Variants in RXRA observed in about 807,000 individuals in gnomAD.
RXRA encodes the protein retinoic acid receptor RXR-alpha.
A neutral mutation model predicts 44.5 loss-of-function variants in RXRA; 5 were observed. That is an observed-to-expected ratio of 0.11 (90% CI 0.06 to 0.24). The LOEUF is 0.24. Ranked by LOEUF, RXRA falls within the 10% of genes least tolerant of loss-of-function variation. RXRA has a pLI of 1.00. For synonymous variants in RXRA, 291 were observed against 271.4 expected (o/e 1.07, Z -0.71); for missense variants, 412 against 646.5 (o/e 0.64, Z 3.93).
At position 134,433,564 on chromosome 9, in the gene RXRA, G is replaced by A. The variant is rs1831566847; in HGVS notation, c.1136-538G>A. Among the ~76,000 whole-genome samples the A allele has an allele frequency of 6.6e-6, 1 of 152,110 alleles. No homozygotes were observed. Among genetic ancestry groups the A allele is most frequent in the Non-Finnish European group, 1.5e-5 (1 of 67,996 alleles). ...CACAGGGGGTCCCTGGGCCTTGGAG[G>A]TTTTGGTGGCTGCAATCTTAGCCTC... On this transcript the variant is annotated intron_variant, in intron 8 of 9. Coordinates refer to ENST00000481739, the MANE Select transcript of RXRA (RefSeq NM_002957.6). This position sits in a 1 kb window ranked among gnomAD's most constrained non-coding sequence, Gnocchi z 4.2.
At position 134,365,157 on chromosome 9, in the gene RXRA, G is replaced by T. The variant is rs975280271; in HGVS notation, c.29-36475G>T. ...GCCACCACAGAGGCGGCTGTTGCTGGAGGGCTGATGGCACGCTGGGCCCGG... is the reference window on the plus strand; with the variant it reads ...GCCACCACAGAGGCGGCTGTTGCTGTAGGGCTGATGGCACGCTGGGCCCGG... On this transcript the variant is annotated intron_variant, in intron 1 of 9. Coordinates refer to ENST00000481739, the MANE Select transcript of RXRA (RefSeq NM_002957.6). The surrounding 1 kb of genome is among the most constrained non-coding windows in gnomAD (Gnocchi z 4.0). Among the ~76,000 whole-genome samples, 5 of 152,356 alleles carry T rather than the reference G, an allele frequency of 3.3e-5. No individual in the cohort carries two copies. The highest frequency in any genetic ancestry group is 1.9e-4 in the East Asian group (1 of 5,180).
chr9:134,396,517 G>A (rs1474322345), intron 1 of RXRA, among the ~76,000 whole-genome samples: 1 of 152,188 alleles, frequency 6.6e-6, no homozygotes, highest in East Asian at 1.9e-4. Context: ...TCCGGGCGGG[G>A]GGGTCCCCAG....
chr9:134,422,690 G>A (rs1038556714), intron 6 of RXRA: 39 of 984,792 alleles, frequency 4.0e-5, no homozygotes, highest in African/African-American at 2.5e-4. Context: ...ACACTCCCCC[G>A]TCCTGGGACC....
At chr9:134,408,668 G>A (rs780985014) in intron 3 of RXRA, among the ~76,000 whole-genome samples, 3 of 152,232 alleles carry the variant, frequency 2.0e-5, no homozygotes, top group East Asian at 1.9e-4. Context: ...AGGGAAGAAC[G>A]GGCTGCACAG....
At chr9:134,412,116 C>G (rs1007033565) in intron 4 of RXRA, among the ~76,000 whole-genome samples, 3 of 152,236 alleles carry the variant, frequency 2.0e-5, no homozygotes, top group African/African-American at 7.2e-5. Context: ...GGCTCCCCGA[C>G]AGCGGAGGGC....
In RXRA at chr9:134,430,730, C is replaced by T. The variant is rs149348842; in HGVS notation, c.1044-1175C>T. On this transcript the variant is annotated intron_variant, in intron 7 of 9. Transcript: ENST00000481739. ...GTACTGGGGATATGGCTTTGGGAAG[C>T]GAAGCCCCAGCCACTTGCCCAGCTG... 4.5e-3 allele frequency among the ~76,000 whole-genome samples: 681 copies of T among 152,290 alleles called. 1 individual carries two copies. Among genetic ancestry groups the T allele is most frequent in the Non-Finnish European group, 6.9e-3 (471 of 68,028 alleles).
Position 134,420,747 on chromosome 9 carries a change from C to T in RXRA, c.781-929C>T, listed in dbSNP as rs547187981. Among the ~76,000 whole-genome samples the T allele has an allele frequency of 3.3e-5, 5 of 152,348 alleles. No homozygotes were observed. The South Asian group carries it at 1.0e-3, about 32-fold the overall frequency. On this transcript the variant is annotated intron_variant, in intron 5 of 9. Coordinates refer to ENST00000481739, the MANE Select transcript of RXRA (RefSeq NM_002957.6). ...CACTGAGGGGGCCGTCATCTGAGTTCCCATTGCTCAGGACACAGAAGGTCC... is the reference window on the plus strand; with the variant it reads ...CACTGAGGGGGCCGTCATCTGAGTTTCCATTGCTCAGGACACAGAAGGTCC...
chr9:134,386,487 T>C (rs1203728773), intron 1 of RXRA, among the ~76,000 whole-genome samples: 2 of 152,004 alleles, frequency 1.3e-5, no homozygotes, highest in Non-Finnish European at 2.9e-5. Context: ...GCTGGGGCTG[T>C]GGGGGAGAGG....
intron 1 of RXRA, among the ~76,000 whole-genome samples, chr9:134,391,435 A>G (rs1830798153): frequency 6.6e-6 from 1 of 152,070 alleles, no homozygotes; most frequent in Non-Finnish European, 1.5e-5. Flanking sequence ...AACAAGAATC[A>G]TTTCTTTTCC....
At position 134,431,868 on chromosome 9, in the gene RXRA, C is replaced by T. The variant is rs36054817; in HGVS notation, c.1044-37C>T. 3.9e-6 allele frequency: 6 copies of T among 1,538,044 alleles called. No individual in the cohort carries two copies. The East Asian group carries it at 1.1e-4, about 29-fold the overall frequency. ...GTGTGGCCCTGGTGAGGGCTGCGACCTAACTGGGATGGGGTGTCTGCCCTC... is the reference window on the plus strand; with the variant it reads ...GTGTGGCCCTGGTGAGGGCTGCGACTTAACTGGGATGGGGTGTCTGCCCTC... On this transcript the variant is annotated intron_variant, in intron 7 of 9. Coordinates refer to ENST00000481739, the MANE Select transcript of RXRA (RefSeq NM_002957.6).
chr9:134,425,571 G>A, intron 6 of RXRA: 1 of 828,942 alleles, frequency 1.2e-6, no homozygotes, highest in African/African-American at 1.9e-5. Context: ...GGTGAGGGGG[G>A]TGGGGGGAAT....
intron 1 of RXRA, among the ~76,000 whole-genome samples, chr9:134,332,946 C>G (rs1835028638): frequency 6.6e-6 from 1 of 151,874 alleles, no homozygotes; most frequent in African/African-American, 2.4e-5. Flanking sequence ...GGCCAGGTCC[C>G]TGGGCTGGCC....
chr9:134,393,790 T>G (rs1830833929), intron 1 of RXRA, among the ~76,000 whole-genome samples: 1 of 152,140 alleles, frequency 6.6e-6, no homozygotes, highest in African/African-American at 2.4e-5. Context: ...CTGAGCACCC[T>G]CTTCCTCCTG....
chr9:134,390,756 T>G (rs1830788055), intron 1 of RXRA, among the ~76,000 whole-genome samples: 1 of 151,952 alleles, frequency 6.6e-6, no homozygotes, highest in Admixed American at 6.5e-5. Context: ...GTCCCGTTCT[T>G]GGTCTGTCTC....
intron 8 of RXRA, among the ~76,000 whole-genome samples, chr9:134,432,299 T>A (rs553096102): frequency 6.6e-6 from 1 of 152,352 alleles, no homozygotes; most frequent in Non-Finnish European, 1.5e-5. Flanking sequence ...TGCGTCGGAA[T>A]CCAGACTCCG....
In RXRA at chr9:134,349,792, T is replaced by C. The variant is rs1830198800; in HGVS notation, c.28+23133T>C. Among the ~76,000 whole-genome samples, 1 of 22,718 alleles carries C rather than the reference T, an allele frequency of 4.4e-5. No homozygotes were observed. Among genetic ancestry groups the C allele is most frequent in the African/African-American group, 1.9e-4 (1 of 5,348 alleles). 14.9% of individuals were successfully genotyped at this position (22,718 alleles called of 152,430 possible). A position where few individuals can be genotyped will look rare whatever the true frequency, so the allele number is the denominator to read the frequency against. On this transcript the variant is annotated intron_variant, in intron 1 of 9. Transcript: ENST00000481739. The surrounding 1 kb of genome is among the most constrained non-coding windows in gnomAD (Gnocchi z 4.3). Reference sequence around the variant, plus strand: ...GCGGTGTCCACCCAGGAAGGCTGCTTGGAGGAGGGGCAGAGCTGGGCTAGC... The same window carrying C: ...GCGGTGTCCACCCAGGAAGGCTGCTCGGAGGAGGGGCAGAGCTGGGCTAGC...
At chr9:134,351,712 C>T (rs1381028277) in intron 1 of RXRA, among the ~76,000 whole-genome samples, 1 of 152,260 alleles carries the variant, frequency 6.6e-6, no homozygotes, top group East Asian at 1.9e-4. Flanking sequence ...TTCTGCGGCC[C>T]TCTTTAATTA....
chr9:134,423,928 C>A, intron 6 of RXRA: 2 of 985,390 alleles, frequency 2.0e-6, no homozygotes, highest in Non-Finnish European at 2.4e-6. Flanking sequence ...GCACGCAGCT[C>A]TTTTCCTGGG....
rs35125814 is a variant in RXRA at position 134,430,172 on chromosome 9, C to T, written c.1043+932C>T. 6.9e-4 allele frequency among the ~76,000 whole-genome samples: 105 copies of T among 152,310 alleles called. 1 individual carries two copies. Among genetic ancestry groups the T allele is most frequent in the African/African-American group, 2.3e-3 (96 of 41,574 alleles). On this transcript the variant is annotated intron_variant, in intron 7 of 9. Coordinates refer to ENST00000481739, the MANE Select transcript of RXRA (RefSeq NM_002957.6). ...AAGTGCTGGGATTACAGGCGTGAGC[C>T]GCCGCGCCCGGCCTCTCTGCACAGT... is the stretch of plus-strand genomic sequence containing the variant.
Sources: allele counts gnomAD v4.1 joint callset (sites outside exome capture counted in the v4.1 genomes callset), GRCh38; gene constraint gnomAD v4.1.1; non-coding constraint Gnocchi (gnomAD v3.1); transcripts MANE v1.5; gene names NCBI Gene and HGNC (gene_info 2026-07-23, HGNC 2026-07-21).